Variants in KATNIP observed in about 807,000 individuals in gnomAD.
KATNIP encodes katanin-interacting protein.
In KATNIP, 126 loss-of-function variants were observed where a neutral mutation model predicts 174.0. The observed-to-expected ratio is 0.72, with a 90% CI of 0.63 to 0.84. KATNIP has a LOEUF of 0.84. KATNIP is among the 40% of genes least tolerant of loss of function. KATNIP has a pLI of 0.00. For synonymous variants in KATNIP, 810 were observed against 835.7 expected (o/e 0.97, Z 0.53); for missense variants, 1,958 against 2,109.7 (o/e 0.93, Z 1.41).
chr16:27,579,856 T>TGCAC (rs1374345534), intron 2 of KATNIP, among the ~76,000 whole-genome samples: 2 of 151,888 alleles, frequency 1.3e-5, no homozygotes, highest in East Asian at 3.9e-4. Context: ...TGCATGCACA[T>TGCAC]GCACACACAT....
Position 27,780,018 on chromosome 16 carries a change from C to T in KATNIP, c.*1389C>T, listed in dbSNP as rs1468828679. On this transcript the variant is annotated 3_prime_UTR_variant, in exon 28 of 28. Transcript: ENST00000261588. ...TCCTGGAGAAAGATCCATCATTTCT[C>T]CAGCTTCCAAGCCCCCGGCACCTCT... is the stretch of plus-strand genomic sequence containing the variant. 6.6e-6 allele frequency: 1 copy of T among 152,186 alleles called. No individual in the cohort carries two copies. The highest frequency in any genetic ancestry group is 1.5e-5 in the Non-Finnish European group (1 of 68,046). 9.4% of individuals were successfully genotyped at this position (152,186 alleles called of 1,614,324 possible).
intron 2 of KATNIP, among the ~76,000 whole-genome samples, chr16:27,574,882 G>C (rs781084903): frequency 6.6e-6 from 1 of 152,148 alleles, no homozygotes; most frequent in Non-Finnish European, 1.5e-5. Flanking sequence ...AGGTCACAAG[G>C]TCCCAGATTC....
At chr16:27,766,496 G>T in intron 20 of KATNIP, 22 bp downstream of exon 20, 1 of 1,604,478 alleles carries the variant, frequency 6.2e-7, no homozygotes. Flanking sequence ...AGCAGTGGCC[G>T]TGCTCAGTCC....
At chr16:27,662,531 GA>G (rs1397956646) in intron 6 of KATNIP, among the ~76,000 whole-genome samples, 2 of 152,100 alleles carry the variant, frequency 1.3e-5, no homozygotes, top group Non-Finnish European at 2.9e-5. Flanking sequence ...AGCTGAGCAG[GA>G]ATAATTTGGT....
At chr16:27,567,485 ATGT>A (rs1315143840) in intron 1 of KATNIP, among the ~76,000 whole-genome samples, 2 of 152,068 alleles carry the variant, frequency 1.3e-5, no homozygotes, top group Non-Finnish European at 2.9e-5. Context: ...AATAAGCTGG[ATGT>A]GGTAGCACAC....
Position 27,677,842 on chromosome 16 carries a change from G to A in KATNIP, c.654G>A (p.Glu218=), listed in dbSNP as rs748188443. The A allele has an allele frequency of 3.1e-6, 5 of 1,614,188 alleles. No homozygotes were observed. Among genetic ancestry groups the A allele is most frequent in the African/African-American group, 2.7e-5 (2 of 75,044 alleles). ...EEDILSEPEP[E]DPALVGHPRH... ...ACATACTCTCTGAGCCTGAGCCAGA[G>A]GACCCGGCACTGGTGGGCCATCCCA... is the stretch of plus-strand genomic sequence containing the variant. The change falls in exon 7 of 28, where the codon GAG becomes GAA. Residue 218 remains glutamate, a synonymous_variant. Transcript: ENST00000261588.
intron 5 of KATNIP, among the ~76,000 whole-genome samples, chr16:27,645,777 C>T (rs1290063684): frequency 6.6e-6 from 1 of 152,218 alleles, no homozygotes; most frequent in African/African-American, 2.4e-5. Context: ...GGGCAGAAGT[C>T]CTGTCTGCAC....
chr16:27,573,431 C>G (rs1412736508), intron 1 of KATNIP, among the ~76,000 whole-genome samples: 3 of 152,226 alleles, frequency 2.0e-5, no homozygotes, highest in Non-Finnish European at 2.9e-5. Context: ...ATATGAAATG[C>G]AGGTGATTAC....
At chr16:27,594,335 C>T (rs1025359112) in intron 2 of KATNIP, among the ~76,000 whole-genome samples, 2 of 151,946 alleles carry the variant, frequency 1.3e-5, no homozygotes, top group African/African-American at 2.4e-5. Flanking sequence ...CTGCTCCTTA[C>T]GCTGGGCCAC....
At chr16:27,617,741 C>T (rs545938836) in intron 2 of KATNIP, among the ~76,000 whole-genome samples, 1 of 152,056 alleles carries the variant, frequency 6.6e-6, no homozygotes, top group South Asian at 2.1e-4. Context: ...AATAAGATTC[C>T]CCTCCCCTTT....
rs1355778250 is a variant in KATNIP, at chr16:27,637,318, G to T, written c.408+6156G>T. On this transcript the variant is annotated intron_variant, in intron 5 of 27. Coordinates refer to ENST00000261588, the MANE Select transcript of KATNIP (RefSeq NM_015202.5). This position sits in a 1 kb window ranked among gnomAD's most constrained non-coding sequence, Gnocchi z 4.7. Reference sequence around the variant, plus strand: ...TGTATTGAGCACATACTCAGTTTTGGCACTTACAGATGCCGGGTTCCAAGC... The same window carrying T: ...TGTATTGAGCACATACTCAGTTTTGTCACTTACAGATGCCGGGTTCCAAGC... Among the ~76,000 whole-genome samples, 1 of 152,120 alleles carries T rather than the reference G, an allele frequency of 6.6e-6. No homozygotes were observed. The highest frequency in any genetic ancestry group is 1.5e-5 in the Non-Finnish European group (1 of 68,018).
intron 3 of KATNIP, among the ~76,000 whole-genome samples, chr16:27,625,386 T>G (rs1596977676): frequency 6.6e-6 from 1 of 152,318 alleles, no homozygotes; most frequent in South Asian, 2.1e-4. Context: ...TCTGCCTGGG[T>G]GATCAGATTC....
chr16:27,713,745 TTA>T (rs1282810897), intron 13 of KATNIP, among the ~76,000 whole-genome samples: 18 of 51,474 alleles, frequency 3.5e-4, no homozygotes, highest in Non-Finnish European at 5.7e-4. Flanking sequence ...CACATACATA[TTA>T]TATATATGTG....
intron 3 of KATNIP, among the ~76,000 whole-genome samples, chr16:27,619,380 A>G (rs2076132576): frequency 6.6e-6 from 1 of 152,224 alleles, no homozygotes; most frequent in African/African-American, 2.4e-5. Context: ...GTGAAAGCAC[A>G]AAGCAAACAG....
chr16:27,774,581 C>T (rs1303691860), intron 23 of KATNIP, among the ~76,000 whole-genome samples: 1 of 152,178 alleles, frequency 6.6e-6, no homozygotes, highest in African/African-American at 2.4e-5. Context: ...AATCCAGCCA[C>T]CGCCCCATTC....
At chr16:27,742,320 C>T (rs2081139851) in intron 15 of KATNIP, among the ~76,000 whole-genome samples, 1 of 152,222 alleles carries the variant, frequency 6.6e-6, no homozygotes, top group Admixed American at 6.5e-5. Flanking sequence ...ATGGTTATGA[C>T]TTCCCCACCC....
At chr16:27,744,793 G>C (rs1349631797) in intron 15 of KATNIP, among the ~76,000 whole-genome samples, 1 of 150,556 alleles carries the variant, frequency 6.6e-6, no homozygotes, top group Non-Finnish European at 1.5e-5. Flanking sequence ...TGAGGCATGA[G>C]AATCGCTTGA....
At chr16:27,587,328 G>A (rs1247278283) in intron 2 of KATNIP, among the ~76,000 whole-genome samples, 1 of 152,190 alleles carries the variant, frequency 6.6e-6, no homozygotes, top group Non-Finnish European at 1.5e-5. Flanking sequence ...TGGAGTAGCT[G>A]GGGTTGGGGT....
intron 14 of KATNIP, among the ~76,000 whole-genome samples, chr16:27,729,435 T>C (rs1453143444): frequency 1.3e-5 from 2 of 152,130 alleles, no homozygotes; most frequent in Admixed American, 1.3e-4. Context: ...TAAGAGAAGG[T>C]TGGATTTTCA....
Sources: allele counts gnomAD v4.1 joint callset (sites outside exome capture counted in the v4.1 genomes callset), GRCh38; gene constraint gnomAD v4.1.1; non-coding constraint Gnocchi (gnomAD v3.1); transcripts MANE v1.5; gene names NCBI Gene and HGNC (gene_info 2026-07-23, HGNC 2026-07-21).